SEPTIN12: variants seen among roughly 807,000 people sequenced by gnomAD.
SEPTIN12 encodes septin 12, also known as septin-12.
A neutral mutation model predicts 37.7 loss-of-function variants in SEPTIN12; 42 were observed. The ratio of observed to expected loss-of-function variants is 1.11; its 90% CI spans 0.87 to 1.44. SEPTIN12 has a LOEUF of 1.44. SEPTIN12 is among the 40% of genes most tolerant of loss of function. The pLI, the probability that SEPTIN12 is intolerant of heterozygous loss-of-function variation, is 0.00. For missense variants in SEPTIN12, 613 were observed against 479.2 expected (o/e 1.28, Z -2.61); for synonymous variants, 254 against 196.7 (o/e 1.29, Z -2.44).
intron 8 of SEPTIN12, among the ~76,000 whole-genome samples, chr16:4,779,074 G>C (rs931447124): frequency 6.6e-6 from 1 of 152,034 alleles, no homozygotes; most frequent in Non-Finnish European, 1.5e-5. Context: ...GGAGGCGGAG[G>C]TTGCAGTGAG....
At chr16:4,785,776 C>T in intron 4 of SEPTIN12, 31 bp downstream of exon 4, 1 of 1,349,294 alleles carries the variant, frequency 7.4e-7, no homozygotes, top group Non-Finnish European at 1.0e-6. Context: ...GAAACTCTGC[C>T]TAAAAAAAAA....
chr16:4,780,864 G>C (rs1442115722), intron 7 of SEPTIN12, among the ~76,000 whole-genome samples: 1 of 152,168 alleles, frequency 6.6e-6, no homozygotes, highest in Non-Finnish European at 1.5e-5. Context: ...TGTAATCCCA[G>C]CTACTCAGGA....
chr16:4,777,779 C>A lies in SEPTIN12; in HGVS notation c.*18G>T. ...CTGGGGACTCAGGAAGCCCAGCAGC[C>A]CCGGGATCCGCCGGTGGTCAGAACT... On this transcript the variant is annotated 3_prime_UTR_variant, in exon 10 of 10. Transcript: ENST00000268231. 6.7e-7 allele frequency: 1 copy of A among 1,491,588 alleles called. No individual in the cohort carries two copies. The allele number at this position is 1,491,588 out of a possible 1,614,324, so 92.4% of individuals were successfully genotyped here. A position where few individuals can be genotyped will look rare whatever the true frequency, so the allele number is the denominator to read the frequency against.
chr16:4,778,193 T>C, intron 8 of SEPTIN12, 56 bp from the exon 9 acceptor site: 7 of 1,535,102 alleles, frequency 4.6e-6, no homozygotes, highest in South Asian at 4.5e-5. Context: ...AGTAAGTGCC[T>C]ACTGTATGCA....
In SEPTIN12 at chr16:4,784,087, C is replaced by A. The variant is rs1302901801; in HGVS notation, c.375-19G>T. 2 of 1,613,552 alleles carry A rather than the reference C, an allele frequency of 1.2e-6. No individual in the cohort carries two copies. The highest frequency in any genetic ancestry group is 1.7e-5 in the Admixed American group (1 of 60,002). ...GTCCCAGCTGAGGCGGGAGGTGGAC[C>A]CTCCCCTCAGAACTGTGCTGTGCCC... is the stretch of plus-strand genomic sequence containing the variant. On this transcript the variant is annotated intron_variant, in intron 4 of 9. Coordinates refer to ENST00000268231, the MANE Select transcript of SEPTIN12 (RefSeq NM_144605.5).
chr16:4,779,625 G>A, intron 8 of SEPTIN12, 65 bp downstream of exon 8: 1 of 973,468 alleles, frequency 1.0e-6, no homozygotes, highest in African/African-American at 1.6e-5. Context: ...TGCGAAGGTT[G>A]CCCAAGGCTG....
chr16:4,784,126 C>A (rs1215771445), intron 4 of SEPTIN12, 58 bp from the exon 5 acceptor site: 3 of 1,601,758 alleles, frequency 1.9e-6, no homozygotes, highest in Non-Finnish European at 2.6e-6. Context: ...GAGCCCCACC[C>A]CTCTCCTCTG....
At position 4,785,794 on chromosome 16, in the gene SEPTIN12, A is replaced by T; in HGVS notation, c.374+13T>A. ...ACTCTGCCTAAAAAAAAAAAAAAAG[A>T]GAGAGAACCTACCAGTTGTCATTGT... On this transcript the variant is annotated intron_variant, in intron 4 of 9. Transcript: ENST00000268231. 4.2e-6 allele frequency: 6 copies of T among 1,436,500 alleles called. No individual in the cohort carries two copies. The highest frequency in any genetic ancestry group is 5.6e-6 in the Non-Finnish European group (6 of 1,077,828). The allele number at this position is 1,436,500 out of a possible 1,614,324, so 89.0% of individuals were successfully genotyped here.
intron 7 of SEPTIN12, among the ~76,000 whole-genome samples, chr16:4,782,563 C>G (rs2082383723): frequency 6.6e-6 from 1 of 152,132 alleles, no homozygotes; most frequent in African/African-American, 2.4e-5. Flanking sequence ...TTTACTTTCC[C>G]TCCAGCAGTA....
chr16:4,790,880 A>G (rs1214763301), upstream of SEPTIN12, among the ~76,000 whole-genome samples: 1 of 152,208 alleles, frequency 6.6e-6, no homozygotes. Context: ...GGCAGGGACG[A>G]TGGGGCACAG....
chr16:4,780,688 T>G (rs2082362936), intron 7 of SEPTIN12, among the ~76,000 whole-genome samples: 1 of 152,126 alleles, frequency 6.6e-6, no homozygotes, highest in Non-Finnish European at 1.5e-5. Context: ...GTAATGTGGA[T>G]GTTGATAATA....
chr16:4,791,494 A>G (rs1002191675), upstream of SEPTIN12, among the ~76,000 whole-genome samples: 1 of 152,132 alleles, frequency 6.6e-6, no homozygotes. Context: ...GGATACTATT[A>G]ACATACCCAT....
chr16:4,789,203 G>A (rs183308345), upstream of SEPTIN12, among the ~76,000 whole-genome samples: 559 of 152,160 alleles, frequency 3.7e-3, 4 homozygotes, highest in African/African-American at 0.013. Context: ...GTAGAGAAGG[G>A]GTTTCACCAC....
chr16:4,789,900 CTTTCT>C (rs1260706711), upstream of SEPTIN12: 132 of 147,024 alleles, frequency 9.0e-4, no homozygotes, highest in African/African-American at 3.4e-3. Context: ...TTCTTTTCTC[CTTTCT>C]TTTCTTTCTT....
intron 7 of SEPTIN12, among the ~76,000 whole-genome samples, chr16:4,781,641 C>A (rs2082372464): frequency 6.8e-6 from 1 of 147,834 alleles, no homozygotes; most frequent in African/African-American, 2.6e-5. Flanking sequence ...GGTGACAGTG[C>A]TTCATTTTTT....
In SEPTIN12 at chr16:4,787,626, G is replaced by C. The variant is rs757405227; in HGVS notation, c.20C>G (p.Ser7Cys). Residue 7 changes from serine (S) to cysteine (C), a missense_variant, in exon 2 of 10, where the codon TCC becomes TGC. Transcript: ENST00000268231. The part of the protein sequence containing the change: MDPLRR[S>C]PSPCLSSQPS... ...CTGCGAGGACAGGCAGGGAGAGGGG[G>C]AGCGCCTCAGGGGGTCCATGGGGGC... 1.1e-5 allele frequency: 17 copies of C among 1,596,182 alleles called. No homozygotes were observed. Among genetic ancestry groups the C allele is most frequent in the Non-Finnish European group, 1.4e-5 (16 of 1,175,760 alleles).
At chr16:4,779,853 G>A (rs2082354280) in intron 7 of SEPTIN12, 67 bp from the exon 8 acceptor site, 2 of 1,059,210 alleles carry the variant, frequency 1.9e-6, no homozygotes, top group Non-Finnish European at 1.5e-6. Context: ...GAAAAGTCAA[G>A]GCACCCAGGC....
chr16:4,778,539 G>T (rs1231626997), intron 8 of SEPTIN12, among the ~76,000 whole-genome samples: 1 of 152,118 alleles, frequency 6.6e-6, no homozygotes, highest in African/African-American at 2.4e-5. Flanking sequence ...GGTGGCTCAC[G>T]CCTATAATCC....
chr16:4,784,304 C>T (rs1739494624), intron 4 of SEPTIN12: 1 of 540,134 alleles, frequency 1.9e-6, no homozygotes, highest in Admixed American at 3.1e-5. Context: ...ATAGTAGCAC[C>T]TACGTTGCAA....
Sources: gnomAD v4.1 joint callset for allele counts (sites outside exome capture counted in the v4.1 genomes callset) on GRCh38, gnomAD v4.1.1 for gene constraint, MANE v1.5 for transcripts, NCBI Gene and HGNC (gene_info 2026-07-23, HGNC 2026-07-21) for gene names.